Variants in LDLRAD4 observed in about 807,000 individuals in gnomAD.
LDLRAD4 encodes the protein low-density lipoprotein receptor class A domain-containing protein 4.
LDLRAD4 carries 5 observed loss-of-function variants against 17.0 expected under a neutral mutation model. That is an observed-to-expected ratio of 0.29 (90% CI 0.15 to 0.62). LDLRAD4 has a LOEUF of 0.62. Among genes scored for constraint, LDLRAD4 ranks in the 20% least tolerant of loss-of-function variants. The probability of loss-of-function intolerance (pLI) is 0.84; values close to 1 mark genes in which losing one functional copy is unlikely to be tolerated. For synonymous variants in LDLRAD4, 168 were observed against 171.8 expected (o/e 0.98, Z 0.17); for missense variants, 340 against 424.7 (o/e 0.80, Z 1.75).
At chr18:13,292,489 A>G (rs937273439) in intron 1 of LDLRAD4, among the ~76,000 whole-genome samples, 1 of 152,212 alleles carries the variant, frequency 6.6e-6, no homozygotes, top group African/African-American at 2.4e-5. Flanking sequence ...TAGCCCTTAC[A>G]ATATCCCATG....
chr18:13,476,797 T>G (rs140809422), intron 3 of LDLRAD4, among the ~76,000 whole-genome samples: 1 of 152,188 alleles, frequency 6.6e-6, no homozygotes, highest in African/African-American at 2.4e-5. Flanking sequence ...CTTCACTCAC[T>G]GTGGGACCTG....
intron 1 of LDLRAD4, among the ~76,000 whole-genome samples, chr18:13,298,597 T>C (rs533290062): frequency 2.0e-5 from 3 of 149,716 alleles, no homozygotes; most frequent in Admixed American, 1.3e-4. Context: ...GTGATGTTGC[T>C]GCTTTGGGCA....
At chr18:13,600,765 C>A (rs375650226) in intron 3 of LDLRAD4, among the ~76,000 whole-genome samples, 2 of 152,108 alleles carry the variant, frequency 1.3e-5, no homozygotes, top group African/African-American at 4.8e-5. Context: ...AAGGTATTTG[C>A]AGTATTACCA....
intron 3 of LDLRAD4, among the ~76,000 whole-genome samples, chr18:13,536,017 A>T (rs1465069484): frequency 6.6e-6 from 1 of 152,158 alleles, no homozygotes; most frequent in South Asian, 2.1e-4. Flanking sequence ...CTGTAGGTCT[A>T]TCTGTATACC....
chr18:13,282,281 C>G (rs2146280824), intron 1 of LDLRAD4, among the ~76,000 whole-genome samples: 1 of 152,292 alleles, frequency 6.6e-6, no homozygotes, highest in East Asian at 1.9e-4. Context: ...ATCTTGCCTT[C>G]CCAATAGTCC....
intron 2 of LDLRAD4, among the ~76,000 whole-genome samples, chr18:13,418,150 T>C (rs1389919257): frequency 6.6e-6 from 1 of 152,178 alleles, no homozygotes; most frequent in African/African-American, 2.4e-5. Flanking sequence ...CTGGCTCCTT[T>C]CTCCCTCTGT....
chr18:13,512,701 C>T (rs576179169), intron 3 of LDLRAD4, among the ~76,000 whole-genome samples: 35 of 152,262 alleles, frequency 2.3e-4, no homozygotes, highest in Admixed American at 3.9e-4. Flanking sequence ...AGGTATTCTG[C>T]CTCCTCCCTC....
chr18:13,601,152 C>A (rs2095156252), intron 3 of LDLRAD4, among the ~76,000 whole-genome samples: 1 of 152,268 alleles, frequency 6.6e-6, no homozygotes, highest in African/African-American at 2.4e-5. Flanking sequence ...ACATTCACAG[C>A]TAAGTTTGTC....
At chr18:13,528,302 T>C (rs1011816999) in intron 3 of LDLRAD4, among the ~76,000 whole-genome samples, 2 of 152,226 alleles carry the variant, frequency 1.3e-5, no homozygotes, top group African/African-American at 4.8e-5. Flanking sequence ...CACAGCAGAA[T>C]TGAGCACCAT....
At chr18:13,560,158 A>T (rs931365807) in intron 3 of LDLRAD4, among the ~76,000 whole-genome samples, 47 of 152,208 alleles carry the variant, frequency 3.1e-4, no homozygotes, top group Admixed American at 2.9e-3. Context: ...AAATATAGAA[A>T]CCATGGAATT....
At chr18:13,557,075 A>T (rs190088056) in intron 3 of LDLRAD4, among the ~76,000 whole-genome samples, 42 of 152,204 alleles carry the variant, frequency 2.8e-4, no homozygotes, top group Non-Finnish European at 5.6e-4. Context: ...CAGGAGGATC[A>T]CTTGAGCCCA....
intron 2 of LDLRAD4, among the ~76,000 whole-genome samples, chr18:13,425,713 G>A (rs996284508): frequency 6.6e-6 from 1 of 152,236 alleles, no homozygotes; most frequent in African/African-American, 2.4e-5. Flanking sequence ...CCGTGCTGGG[G>A]TTGACGGCCT....
chr18:13,641,881 C>G, intron 4 of LDLRAD4: 5 of 985,496 alleles, frequency 5.1e-6, no homozygotes, highest in Non-Finnish European at 6.0e-6. Flanking sequence ...ACCGCTCAGC[C>G]CCTCTGAGTG....
chr18:13,490,021 C>T (rs1164553038), intron 3 of LDLRAD4: 5 of 152,198 alleles, frequency 3.3e-5, no homozygotes, highest in South Asian at 2.1e-4. Flanking sequence ...CATGGCCAAA[C>T]GGAGTGTGTG....
intron 3 of LDLRAD4, chr18:13,487,495 T>C (rs2093256347): frequency 6.6e-6 from 1 of 152,278 alleles, no homozygotes; most frequent in African/African-American, 2.4e-5. Context: ...CGGCGTCATT[T>C]CTTTCTGTGG....
intron 3 of LDLRAD4, among the ~76,000 whole-genome samples, chr18:13,610,297 T>A (rs1215387547): frequency 1.8e-5 from 1 of 56,224 alleles, no homozygotes; most frequent in East Asian, 4.4e-4. Context: ...TTTTTTTTTT[T>A]TTTTTTTTGA....
intron 2 of LDLRAD4, among the ~76,000 whole-genome samples, chr18:13,423,293 G>A (rs1206803974): frequency 6.6e-6 from 1 of 152,050 alleles, no homozygotes; most frequent in African/African-American, 2.4e-5. Context: ...GGGAGTTTGA[G>A]ACCAGCCTGG....
At chr18:13,638,930 A>T (rs765724266) in intron 4 of LDLRAD4, among the ~76,000 whole-genome samples, 13 of 152,196 alleles carry the variant, frequency 8.5e-5, no homozygotes, top group Non-Finnish European at 1.9e-4. Flanking sequence ...GCTGCAAGGA[A>T]GTATTCCGTA....
intron 5 of LDLRAD4, among the ~76,000 whole-genome samples, chr18:13,644,064 T>G (rs1224462053): frequency 2.6e-5 from 4 of 152,186 alleles, no homozygotes; most frequent in African/African-American, 9.7e-5. Flanking sequence ...AAAAATATTT[T>G]TCATGTCAGT....
Sources: allele counts gnomAD v4.1 joint callset (sites outside exome capture counted in the v4.1 genomes callset), GRCh38; gene constraint gnomAD v4.1.1; transcripts MANE v1.5; gene names NCBI Gene and HGNC (gene_info 2026-07-23, HGNC 2026-07-21).